MARF1: variants seen among roughly 807,000 people sequenced by gnomAD.
MARF1 encodes meiosis regulator and mRNA stability factor 1.
A neutral mutation model predicts 168.2 loss-of-function variants in MARF1; 24 were observed. That is an observed-to-expected ratio of 0.14 (90% confidence interval 0.10 to 0.20). The LOEUF is 0.20. Among genes scored for constraint, MARF1 ranks in the 10% least tolerant of loss-of-function variants. The pLI is 1.00. For missense variants in MARF1, 1,744 were observed against 2,143.6 expected (o/e 0.81, Z 3.68); for synonymous variants, 868 against 822.4 (o/e 1.06, Z -0.95).
intron 13 of MARF1, among the ~76,000 whole-genome samples, chr16:15,618,517 G>A (rs923975225): frequency 8.6e-5 from 13 of 152,016 alleles, no homozygotes; most frequent in African/African-American, 1.7e-4. Context: ...AGTTATCAGC[G>A]GCCTCTGCCT....
At chr16:15,634,284 T>C (rs535115253) in intron 4 of MARF1, among the ~76,000 whole-genome samples, 1 of 152,352 alleles carries the variant, frequency 6.6e-6, no homozygotes. Flanking sequence ...GTCGTTGATT[T>C]TGAGTTAACG....
intron 16 of MARF1, 80 bp from the exon 17 acceptor site, chr16:15,612,857 T>G: frequency 8.4e-7 from 1 of 1,191,608 alleles, no homozygotes; most frequent in East Asian, 2.3e-5. Flanking sequence ...CTGCAGTCCC[T>G]GGCTTGAGTT....
At chr16:15,640,543 A>C (rs1329149675) in intron 1 of MARF1, among the ~76,000 whole-genome samples, 1 of 151,960 alleles carries the variant, frequency 6.6e-6, no homozygotes, top group Non-Finnish European at 1.5e-5. Context: ...ATGGCTACAA[A>C]AAATTAGCTG....
At chr16:15,628,389 A>G (rs1265756796) in intron 7 of MARF1, among the ~76,000 whole-genome samples, 1 of 151,812 alleles carries the variant, frequency 6.6e-6, no homozygotes, top group Non-Finnish European at 1.5e-5. Context: ...CAATGATCAT[A>G]CCATACTATT....
rs752055072 is a variant in MARF1, at chr16:15,625,192, A to T, written c.1954-19T>A. The T allele has an allele frequency of 6.2e-7, 1 of 1,608,632 alleles. No individual in the cohort carries two copies. The highest frequency in any genetic ancestry group is 8.5e-7 in the Non-Finnish European group (1 of 1,176,594). ...ACAGCTCCTTCAAAGACACAAGCAC[A>T]GTGGGGTTTAAATTTTAAGTACCCA... is the stretch of plus-strand genomic sequence containing the variant. On this transcript the variant is annotated intron_variant, in intron 8 of 26. Transcript: ENST00000396368.
At chr16:15,641,180 A>G (rs754946336) in intron 1 of MARF1, among the ~76,000 whole-genome samples, 4 of 152,218 alleles carry the variant, frequency 2.6e-5, no homozygotes, top group Non-Finnish European at 5.9e-5. Context: ...CAGAGAAAAA[A>G]AAAATTAGAT....
In MARF1 at chr16:15,595,730, A is replaced by G. The variant is rs2031618242; in HGVS notation, c.*963T>C. On this transcript the variant is annotated 3_prime_UTR_variant, in exon 27 of 27. Transcript: ENST00000396368. ...TAAGTGGATCAACCTTGGCCTTCCT[A>G]TGTGTAGGTAGAATTCCTGTCTCTT... 6.6e-6 allele frequency: 1 copy of G among 152,158 alleles called. No individual in the cohort carries two copies. The highest frequency in any genetic ancestry group is 2.4e-5 in the African/African-American group (1 of 41,434). The allele number at this position is 152,158 out of a possible 1,614,324, so 9.4% of individuals were successfully genotyped here.
At position 15,612,276 on chromosome 16, in the gene MARF1, T is replaced by C. The variant is rs186354044; in HGVS notation, c.3474+281A>G. 2.8e-3 allele frequency among the ~76,000 whole-genome samples: 423 copies of C among 152,290 alleles called. 1 individual carries two copies. The highest frequency in any genetic ancestry group is 9.7e-3 in the African/African-American group (402 of 41,564). ...GGAGCTTCCTTGTAATCATGAACAGTTCTGGAGAAAGCTGTGCTGGGATGA... is the reference window on the plus strand; with the variant it reads ...GGAGCTTCCTTGTAATCATGAACAGCTCTGGAGAAAGCTGTGCTGGGATGA... On this transcript the variant is annotated intron_variant, in intron 17 of 26. Transcript: ENST00000396368.
At chr16:15,598,790 T>G (rs2032044256) in intron 26 of MARF1, 64 bp downstream of exon 26, 7 of 1,461,436 alleles carry the variant, frequency 4.8e-6, no homozygotes, top group Middle Eastern at 3.8e-4. Flanking sequence ...ACTATATCAG[T>G]ATCTCATCGT....
intron 17 of MARF1, among the ~76,000 whole-genome samples, chr16:15,612,228 A>G (rs1042302336): frequency 2.6e-5 from 4 of 152,234 alleles, no homozygotes; most frequent in Admixed American, 6.5e-5. Flanking sequence ...AGGCACCAAC[A>G]TACAAGTATG....
At chr16:15,611,446 CAAAAA>C (rs995305393) in intron 18 of MARF1, 141 bp downstream of exon 18, 192 of 421,850 alleles carry the variant, frequency 4.6e-4, no homozygotes, top group Middle Eastern at 1.9e-3. Context: ...GACTCCGTCT[CAAAAA>C]AAAAAAAAAA....
chr16:15,631,249 CAAT>C, intron 6 of MARF1, 129 bp downstream of exon 6: 2 of 574,152 alleles, frequency 3.5e-6, no homozygotes, highest in Non-Finnish European at 6.2e-6. Flanking sequence ...CAGTTCTCAA[CAAT>C]AACCATAAAC....
intron 4 of MARF1, among the ~76,000 whole-genome samples, chr16:15,634,417 T>C (rs9940874): frequency 0.17 from 26,337 of 152,204 alleles, 2,507 homozygotes; most frequent in African/African-American, 0.25. Flanking sequence ...AATCAGCCAT[T>C]AGTAAATTGT....
intron 18 of MARF1, 95 bp downstream of exon 18, chr16:15,611,497 G>T (rs1596459036): frequency 8.0e-6 from 8 of 995,134 alleles, no homozygotes; most frequent in African/African-American, 1.7e-5. Context: ...CCAAAAGAAT[G>T]CTTAATAGAA....
rs2031654005 is a variant in MARF1 at position 15,596,113 on chromosome 16, C to T, written c.*580G>A. On this transcript the variant is annotated 3_prime_UTR_variant, in exon 27 of 27. Transcript: ENST00000396368. Reference sequence around the variant, plus strand: ...TAGTTTAAATAAAAAACAAGGCACACTTACAAGTCACATGGAAGCCAGGAA... The same window carrying T: ...TAGTTTAAATAAAAAACAAGGCACATTTACAAGTCACATGGAAGCCAGGAA... 1 of 152,682 alleles carries T rather than the reference C, an allele frequency of 6.5e-6. No individual in the cohort carries two copies. The highest frequency in any genetic ancestry group is 2.4e-5 in the African/African-American group (1 of 41,458). 9.5% of individuals were successfully genotyped at this position (152,682 alleles called of 1,614,324 possible).
intron 25 of MARF1, among the ~76,000 whole-genome samples, chr16:15,599,842 G>A (rs192110181): frequency 1.3e-5 from 2 of 151,484 alleles, no homozygotes; most frequent in African/African-American, 4.9e-5. Context: ...CAGGCACCCT[G>A]AGCCCTCTTC....
rs2034470188 is a variant in MARF1, at chr16:15,621,657, T to G, written c.2639+76A>C. ...ACAAGGGGGTGGGAATGTGATTGAA[T>G]CTATTTTTATTATTTCTAAAATTGT... is the stretch of plus-strand genomic sequence containing the variant. On this transcript the variant is annotated intron_variant, in intron 12 of 26. Transcript: ENST00000396368. 6.5e-6 allele frequency: 9 copies of G among 1,384,768 alleles called. No individual in the cohort carries two copies. The Admixed American group carries it at 1.6e-4, about 24-fold the overall frequency. The allele number at this position is 1,384,768 out of a possible 1,614,324, so 85.8% of individuals were successfully genotyped here.
intron 20 of MARF1, among the ~76,000 whole-genome samples, chr16:15,609,145 C>T (rs1386346167): frequency 6.6e-6 from 1 of 152,266 alleles, no homozygotes; most frequent in East Asian, 1.9e-4. Flanking sequence ...GAGGTTGAGG[C>T]AAGTGAACTG....
intron 7 of MARF1, among the ~76,000 whole-genome samples, chr16:15,628,391 C>T (rs1244532306): frequency 6.6e-6 from 1 of 151,564 alleles, no homozygotes; most frequent in Non-Finnish European, 1.5e-5. Context: ...ATGATCATAC[C>T]ATACTATTCT....
Sources: allele counts gnomAD v4.1 joint callset (sites outside exome capture counted in the v4.1 genomes callset), GRCh38; gene constraint gnomAD v4.1.1; transcripts MANE v1.5; gene names NCBI Gene and HGNC (gene_info 2026-07-23, HGNC 2026-07-21).